Variants in PDE10A observed in about 807,000 individuals in gnomAD.
PDE10A encodes the protein phosphodiesterase 10A, also known as cAMP and cAMP-inhibited cGMP 3',5'-cyclic phosphodiesterase 10A.
PDE10A carries 39 observed loss-of-function variants against 97.7 expected under a neutral mutation model. The ratio of observed to expected loss-of-function variants is 0.40; its 90% CI spans 0.31 to 0.52. The LOEUF (loss-of-function observed/expected upper bound fraction) is 0.52. Ranked by LOEUF, PDE10A falls within the 20% of genes least tolerant of loss-of-function variation. The pLI is 0.56. For synonymous variants in PDE10A, 371 were observed against 376.8 expected, an observed-to-expected ratio of 0.98 and a Z score of 0.18; for missense variants, 731 against 1,047.8, an observed-to-expected ratio of 0.70 and a Z score of 4.17.
chr6:165,609,517 G>A (rs536852460), intron 1 of PDE10A, among the ~76,000 whole-genome samples: 67 of 152,278 alleles, frequency 4.4e-4, no homozygotes, highest in African/African-American at 1.6e-3. Flanking sequence ...GGGCAATCAG[G>A]CAAGAGAAAG....
rs1554305960 is a variant in PDE10A, at chr6:165,691,107, C to CTCTCTCTCT, written c.-614-147540_-614-147539insAGAGAGAGA. ...TCTCTCTCTCTCTCTCTTTCTCTCT[C>CTCTCTCTCT]CCCCCCCCCATCAGTGCCTGTGGTC... On this transcript the variant is annotated intron_variant, in intron 1 of 19. Coordinates refer to the PDE10A transcript ENST00000366882. Among the ~76,000 whole-genome samples the CTCTCTCTCT allele has an allele frequency of 2.0e-3, 27 of 13,422 alleles. 2 individuals are homozygous for CTCTCTCTCT. Among genetic ancestry groups the CTCTCTCTCT allele is most frequent in the East Asian group, 5.1e-3 (4 of 792 alleles). 8.8% of individuals were successfully genotyped at this position (13,422 alleles called of 152,430 possible).
intron 1 of PDE10A, among the ~76,000 whole-genome samples, chr6:165,668,464 C>T (rs1211149076): frequency 6.6e-6 from 1 of 152,118 alleles, no homozygotes; most frequent in Non-Finnish European, 1.5e-5. Flanking sequence ...TCATCTGTTA[C>T]TCTGGAATCT....
At chr6:165,632,738 C>A (rs1351803403) in intron 1 of PDE10A, among the ~76,000 whole-genome samples, 1 of 152,200 alleles carries the variant, frequency 6.6e-6, no homozygotes, top group Non-Finnish European at 1.5e-5. Flanking sequence ...TCACAACAGA[C>A]CAGTCGAATC....
At chr6:165,398,487 C>T (rs1469774595) in intron 13 of PDE10A, among the ~76,000 whole-genome samples, 3 of 101,536 alleles carry the variant, frequency 3.0e-5, no homozygotes, top group Non-Finnish European at 6.5e-5. Context: ...GACTCTCTCT[C>T]TCTCTCTCTC....
At chr6:165,741,999 T>TA (rs1452776711) in intron 1 of PDE10A, among the ~76,000 whole-genome samples, 5 of 152,226 alleles carry the variant, frequency 3.3e-5, no homozygotes, top group African/African-American at 1.2e-4. Context: ...CAGCAGGATT[T>TA]AAATTAAGCC....
chr6:165,730,503 G>A (rs2128450876), intron 1 of PDE10A, among the ~76,000 whole-genome samples: 1 of 152,334 alleles, frequency 6.6e-6, no homozygotes, highest in Admixed American at 6.5e-5. Context: ...TGTAATCCCA[G>A]CACTTTGGGA....
At chr6:165,538,849 G>A (rs550671767) in intron 2 of PDE10A, among the ~76,000 whole-genome samples, 14 of 152,196 alleles carry the variant, frequency 9.2e-5, no homozygotes, top group African/African-American at 2.6e-4. Flanking sequence ...AAATACAGAC[G>A]TGTAAATGTT....
intron 1 of PDE10A, among the ~76,000 whole-genome samples, chr6:165,979,217 T>A (rs1317397513): frequency 6.6e-6 from 1 of 152,148 alleles, no homozygotes. Flanking sequence ...TAAGGGTTCT[T>A]GTTCATTGGC....
At chr6:165,524,492 T>C (rs748618545) in intron 2 of PDE10A, among the ~76,000 whole-genome samples, 24 of 152,186 alleles carry the variant, frequency 1.6e-4, no homozygotes, top group Admixed American at 2.6e-4. Context: ...AGGAGTTTAG[T>C]GACTCTATAC....
intron 1 of PDE10A, among the ~76,000 whole-genome samples, chr6:165,654,924 C>T (rs1278397890): frequency 6.6e-6 from 1 of 152,194 alleles, no homozygotes; most frequent in Non-Finnish European, 1.5e-5. Context: ...CAGGGTGCTC[C>T]ATGGCTCTGC....
intron 2 of PDE10A, among the ~76,000 whole-genome samples, chr6:165,537,898 GTGTT>G (rs1300116836): frequency 3.3e-5 from 5 of 151,666 alleles, no homozygotes; most frequent in Admixed American, 2.0e-4. Context: ...TTTCAAAAAC[GTGTT>G]TTTTTCTTAT....
At chr6:165,529,494 A>G (rs1319571086) in intron 2 of PDE10A, among the ~76,000 whole-genome samples, 3 of 152,200 alleles carry the variant, frequency 2.0e-5, no homozygotes, top group Non-Finnish European at 4.4e-5. Context: ...CTGAAGGCCA[A>G]GGAAATACAG....
chr6:165,660,699 G>C (rs933018185), intron 1 of PDE10A: 4 of 152,742 alleles, frequency 2.6e-5, no homozygotes, highest in South Asian at 2.1e-4. Flanking sequence ...GCCGCAGTTG[G>C]GAGCGGGAAA....
At chr6:165,910,500 T>A (rs1782424143) in intron 1 of PDE10A, among the ~76,000 whole-genome samples, 1 of 152,190 alleles carries the variant, frequency 6.6e-6, no homozygotes, top group Non-Finnish European at 1.5e-5. Flanking sequence ...AAAACAATAC[T>A]GCCAGAATAA....
At chr6:165,826,436 C>T (rs187193730) in intron 1 of PDE10A, among the ~76,000 whole-genome samples, 64 of 149,806 alleles carry the variant, frequency 4.3e-4, no homozygotes, top group Non-Finnish European at 8.4e-4. Context: ...TCTGTCCTTA[C>T]GTTCCTTTGT....
intron 2 of PDE10A, among the ~76,000 whole-genome samples, chr6:165,534,223 C>G (rs1389954969): frequency 6.6e-6 from 1 of 151,288 alleles, no homozygotes; most frequent in Non-Finnish European, 1.5e-5. Flanking sequence ...CACACATAAC[C>G]TGACACGACT....
chr6:165,580,377 G>A (rs2128354260), intron 1 of PDE10A, among the ~76,000 whole-genome samples: 1 of 152,242 alleles, frequency 6.6e-6, no homozygotes, highest in East Asian at 1.9e-4. Flanking sequence ...AAGGGCATGG[G>A]ACTACAAACA....
chr6:165,547,541 T>C (rs1174835865), intron 1 of PDE10A, among the ~76,000 whole-genome samples: 1 of 152,164 alleles, frequency 6.6e-6, no homozygotes, highest in Admixed American at 6.5e-5. Flanking sequence ...AAAGGCATAA[T>C]AAAGACTGAT....
intron 2 of PDE10A, among the ~76,000 whole-genome samples, chr6:165,526,686 C>G (rs1212046602): frequency 6.6e-6 from 1 of 152,124 alleles, no homozygotes; most frequent in African/African-American, 2.4e-5. Flanking sequence ...GTGGTGAGTC[C>G]AATTGCAGCT....
Sources: allele counts gnomAD v4.1 joint callset (sites outside exome capture counted in the v4.1 genomes callset), GRCh38; gene constraint gnomAD v4.1.1; transcripts MANE v1.5; gene names NCBI Gene and HGNC (gene_info 2026-07-23, HGNC 2026-07-21).